Variants in ASMTL observed in about 807,000 individuals in gnomAD.
The protein encoded by ASMTL is acetylserotonin O-methyltransferase like, also known as probable bifunctional dTTP/UTP pyrophosphatase/methyltransferase protein.
A neutral mutation model predicts 60.3 loss-of-function variants in ASMTL; 57 were observed. That is an observed-to-expected ratio of 0.95 (90% confidence interval 0.76 to 1.18). ASMTL has a LOEUF of 1.18. Ranked by LOEUF, ASMTL falls within the 50% of genes most tolerant of loss-of-function variation. ASMTL has a pLI of 0.00. For missense variants in ASMTL, 981 were observed against 852.6 expected (o/e 1.15, Z -1.88); for synonymous variants, 419 against 373.0 (o/e 1.12, Z -1.42).
At position 1,435,750 on chromosome X, in the gene ASMTL, C is replaced by G; in HGVS notation, c.282G>C (p.Gly94=). 2.5e-6 allele frequency: 4 copies of G among 1,613,664 alleles called. No homozygotes were observed. The highest frequency in any genetic ancestry group is 3.4e-6 in the Non-Finnish European group (4 of 1,179,790). ...VIGADTIVTV[G]GLILEKPVDK... Reference sequence around the variant, plus strand: ...CCACCGGCTTCTCCAGAATCAGCCCCCCGACTGTCTGTGAGAGGAAGGGAC... The same window carrying G: ...CCACCGGCTTCTCCAGAATCAGCCCGCCGACTGTCTGTGAGAGGAAGGGAC... Residue 94 remains glycine, a synonymous_variant, in exon 4 of 13, where the codon GGG becomes GGC. Coordinates refer to ENST00000381317, the MANE Select transcript of ASMTL (RefSeq NM_004192.4).
At chrX:1,448,149 C>T (rs1480899936) in intron 1 of ASMTL, among the ~76,000 whole-genome samples, 1 of 151,522 alleles carries the variant, frequency 6.6e-6, no homozygotes, top group African/African-American at 2.4e-5. Context: ...ACACCGCCAT[C>T]TTGGATAAGC....
intron 9 of ASMTL, among the ~76,000 whole-genome samples, chrX:1,420,503 C>T (rs753603737): frequency 1.3e-3 from 195 of 152,308 alleles, no homozygotes; most frequent in Non-Finnish European, 2.0e-3. Flanking sequence ...CACAGAAGCT[C>T]GGCCAGCGCT....
rs139595294 is a variant in ASMTL, at chrX:1,403,183, G to A, written c.*86C>T. 7.2e-3 allele frequency: 7,949 copies of A among 1,103,690 alleles called. 40 individuals carry two copies. The highest frequency in any genetic ancestry group is 8.6e-3 in the Non-Finnish European group (6,267 of 729,382). 68.4% of individuals were successfully genotyped at this position (1,103,690 alleles called of 1,614,324 possible). Reference sequence around the variant, plus strand: ...TTCAGTCACGACTACACGCTCCTATGTGACTGTCCTATGGTACTTGGGGAC... The same window carrying A: ...TTCAGTCACGACTACACGCTCCTATATGACTGTCCTATGGTACTTGGGGAC... On this transcript the variant is annotated 3_prime_UTR_variant, in exon 13 of 13. Transcript: ENST00000381317.
upstream of ASMTL, among the ~76,000 whole-genome samples, chrX:1,453,137 G>GACC (rs759945880): frequency 1.0e-4 from 14 of 140,194 alleles, no homozygotes; most frequent in East Asian, 2.0e-3. Flanking sequence ...ACCACGCCCA[G>GACC]ACCACGCCTC....
At chrX:1,434,855 G>A (rs1298604113) in intron 5 of ASMTL, 167 bp downstream of exon 5, 13 of 174,926 alleles carry the variant, frequency 7.4e-5, no homozygotes, top group Non-Finnish European at 1.2e-4. Context: ...CCTTTGTCCT[G>A]CAGACTTCCA....
chrX:1,446,306 T>C (rs2091229663), intron 1 of ASMTL, among the ~76,000 whole-genome samples: 1 of 152,174 alleles, frequency 6.6e-6, no homozygotes, highest in East Asian at 1.9e-4. Context: ...CTTTGTCTTG[T>C]ATCCAATAAA....
chrX:1,415,299 G>A (rs1485285351), intron 11 of ASMTL, among the ~76,000 whole-genome samples: 1 of 152,038 alleles, frequency 6.6e-6, no homozygotes, highest in Non-Finnish European at 1.5e-5. Context: ...GCCACACTGT[G>A]ACGGCTCTCG....
intron 12 of ASMTL, among the ~76,000 whole-genome samples, chrX:1,411,077 G>T (rs774610077): frequency 6.6e-6 from 1 of 152,010 alleles, no homozygotes; most frequent in African/African-American, 2.4e-5. Flanking sequence ...CCAGCTACTC[G>T]GGAGGCTGAG....
intron 12 of ASMTL, among the ~76,000 whole-genome samples, chrX:1,404,919 GTAGATGTA>G (rs2089751712): frequency 6.8e-6 from 1 of 147,112 alleles, no homozygotes; most frequent in African/African-American, 2.5e-5. Flanking sequence ...GGGTACGTAG[GTAGATGTA>G]TGGATGGATA....
intron 6 of ASMTL, among the ~76,000 whole-genome samples, chrX:1,431,265 A>T (rs1379188033): frequency 3.9e-5 from 5 of 127,650 alleles, no homozygotes; most frequent in Non-Finnish European, 7.8e-5. Context: ...ATATGTAATT[A>T]TATATTTATA....
At chrX:1,439,398 G>A (rs1375539762) in intron 2 of ASMTL, among the ~76,000 whole-genome samples, 1 of 152,226 alleles carries the variant, frequency 6.6e-6, no homozygotes, top group Non-Finnish European at 1.5e-5. Context: ...CACTCACGGA[G>A]CATCTCACGG....
intron 12 of ASMTL, among the ~76,000 whole-genome samples, chrX:1,405,209 GATGAATGGATGGA>G (rs1228455172): frequency 2.1e-3 from 260 of 123,710 alleles, no homozygotes; most frequent in Admixed American, 2.5e-3. Context: ...TACGTAGATA[GATGAATGGATGGA>G]TAGATGGATG....
chrX:1,421,908 G>T (rs1317140892), intron 8 of ASMTL, 66 bp from the exon 9 acceptor site: 1 of 1,458,202 alleles, frequency 6.9e-7, no homozygotes, highest in Non-Finnish European at 9.6e-7. Flanking sequence ...GACCGTAGGG[G>T]ATGTATCATT....
chrX:1,427,355 GT>G (rs1469446710), intron 7 of ASMTL, among the ~76,000 whole-genome samples: 1 of 152,068 alleles, frequency 6.6e-6, no homozygotes, highest in Non-Finnish European at 1.5e-5. Context: ...ATGGGACCTT[GT>G]TTTAAAAAGG....
intron 8 of ASMTL, among the ~76,000 whole-genome samples, chrX:1,424,220 CCACCCAGCCATG>C (rs1188464844): frequency 6.9e-6 from 1 of 144,028 alleles, no homozygotes; most frequent in East Asian, 2.2e-4. Context: ...TCCCCATCAT[CCACCCAGCCATG>C]CACCCGTCCA....
In ASMTL at chrX:1,412,652, C is replaced by T. The variant is rs190613631; in HGVS notation, c.1645+80G>A. The T allele has an allele frequency of 4.6e-3, 7,347 of 1,595,626 alleles. 292 individuals carry two copies. The African/African-American group carries it at 0.088, about 19-fold the overall frequency. On this transcript the variant is annotated intron_variant, in intron 12 of 12. Coordinates refer to ENST00000381317, the MANE Select transcript of ASMTL (RefSeq NM_004192.4). ...CGCTGGGATGACAGGCGTGAGCCAC[C>T]GCGCCCGGCCTCCTTGTAAAACTTG...
chrX:1,439,464 G>A (rs1340245049), intron 2 of ASMTL, among the ~76,000 whole-genome samples: 1 of 152,224 alleles, frequency 6.6e-6, no homozygotes, highest in Non-Finnish European at 1.5e-5. Context: ...CGGGCGGCAG[G>A]TAAGGTTTGA....
intron 10 of ASMTL, among the ~76,000 whole-genome samples, chrX:1,418,430 G>A (rs2090377735): frequency 6.6e-6 from 1 of 151,740 alleles, no homozygotes; most frequent in Non-Finnish European, 1.5e-5. Context: ...CGTGTAGGGG[G>A]CACAGACCTA....
chrX:1,406,037 C>T lies in ASMTL; in HGVS notation c.1646-2548G>A, dbSNP rs367591180. On this transcript the variant is annotated intron_variant, in intron 12 of 12. Coordinates refer to ENST00000381317, the MANE Select transcript of ASMTL (RefSeq NM_004192.4). The stretch of plus-strand genomic sequence containing the variant: ...GATGGATGGGTGAATAGATGGTAGA[C>T]GATGGGTAGGTAGGTGGATGGATAG... Among the ~76,000 whole-genome samples, 231 of 123,754 alleles carry T rather than the reference C, an allele frequency of 1.9e-3. 1 individual carries two copies. In the East Asian group the frequency reaches 0.03, roughly 16 times the overall value. 81.2% of individuals were successfully genotyped at this position (123,754 alleles called of 152,430 possible). A position where few individuals can be genotyped will look rare whatever the true frequency, so the allele number is the denominator to read the frequency against.
Sources: allele counts gnomAD v4.1 joint callset (sites outside exome capture counted in the v4.1 genomes callset), GRCh38; gene constraint gnomAD v4.1.1; transcripts MANE v1.5; gene names NCBI Gene and HGNC (gene_info 2026-07-23, HGNC 2026-07-21).